Variants in GPR39 observed in about 807,000 individuals in gnomAD.
GPR39 encodes the protein zinc sensing receptor.
A neutral mutation model predicts 18.4 loss-of-function variants in GPR39; 23 were observed. That is an observed-to-expected ratio of 1.25 (90% CI 0.90 to 1.77). The LOEUF (loss-of-function observed/expected upper bound fraction) is 1.77. Among genes scored for constraint, GPR39 ranks in the 40% most tolerant of loss-of-function variants. The pLI is 0.00. For missense variants in GPR39, 647 were observed against 602.4 expected, an observed-to-expected ratio of 1.07 and a Z score of -0.78; for synonymous variants, 280 against 257.9, an observed-to-expected ratio of 1.09 and a Z score of -0.82.
At chr2:132,433,933 T>A (rs944000856) in intron 1 of GPR39, 1 of 151,694 alleles carries the variant, frequency 6.6e-6, no homozygotes, top group East Asian at 2.0e-4. Flanking sequence ...TAAAGCACAA[T>A]GAAGGTGAAG....
At chr2:132,477,076 A>G (rs1218879103) in intron 1 of GPR39, among the ~76,000 whole-genome samples, 1 of 152,182 alleles carries the variant, frequency 6.6e-6, no homozygotes, top group Non-Finnish European at 1.5e-5. Context: ...GATTCTCGAG[A>G]TGCTATCCCA....
At chr2:132,445,667 A>ACTG in intron 1 of GPR39, among the ~76,000 whole-genome samples, 1 of 99,284 alleles carries the variant, frequency 1.0e-5, no homozygotes, top group Non-Finnish European at 2.6e-5. Context: ...TCTATGACAA[A>ACTG]TTGTTTGCCA....
chr2:132,531,851 T>G (rs58695759), intron 1 of GPR39, among the ~76,000 whole-genome samples: 1,845 of 152,228 alleles, frequency 0.012, 39 homozygotes, highest in African/African-American at 0.041. Flanking sequence ...TTCAAAGCAG[T>G]GTGTAGAGGG....
rs553110731 is a variant in GPR39, at chr2:132,557,116, C to T, written c.857-87985C>T. Reference sequence around the variant, plus strand: ...GGCAGATCACTTGAGGTCAAGAGTTCGAGACCAGCCTGGCCAACATGGTGA... The same window carrying T: ...GGCAGATCACTTGAGGTCAAGAGTTTGAGACCAGCCTGGCCAACATGGTGA... On this transcript the variant is annotated intron_variant, in intron 1 of 1. Transcript: ENST00000329321. Among the ~76,000 whole-genome samples the T allele has an allele frequency of 7.8e-4, 118 of 152,062 alleles. 5 individuals are homozygous for T. The South Asian group carries it at 0.022, about 29-fold the overall frequency.
At position 132,493,516 on chromosome 2, in the gene GPR39, A is replaced by G. The variant is rs992150456; in HGVS notation, c.856+75618A>G. Among the ~76,000 whole-genome samples, 500 of 144,082 alleles carry G rather than the reference A, an allele frequency of 3.5e-3. 8 individuals carry two copies. Among genetic ancestry groups the G allele is most frequent in the African/African-American group, 0.012 (447 of 37,098 alleles). 94.5% of individuals were successfully genotyped at this position (144,082 alleles called of 152,430 possible). A position where few individuals can be genotyped will look rare whatever the true frequency, so the allele number is the denominator to read the frequency against. On this transcript the variant is annotated intron_variant, in intron 1 of 1. Coordinates refer to ENST00000329321, the MANE Select transcript of GPR39 (RefSeq NM_001508.3). ...ATATATATATACACCATATATATAT[A>G]TATATATATATACACACACCATATA...
At chr2:132,599,674 G>GTCC (rs1251416827) in intron 1 of GPR39, among the ~76,000 whole-genome samples, 2 of 152,156 alleles carry the variant, frequency 1.3e-5, no homozygotes, top group African/African-American at 2.4e-5. Flanking sequence ...ACTGTGCTCT[G>GTCC]CAGTGAAATT....
chr2:132,613,360 T>C lies in GPR39; in HGVS notation c.857-31741T>C, dbSNP rs1221584310. Among the ~76,000 whole-genome samples the C allele has an allele frequency of 2.0e-5, 3 of 152,184 alleles. No homozygotes were observed. The East Asian group carries it at 5.8e-4, about 29-fold the overall frequency. On this transcript the variant is annotated intron_variant, in intron 1 of 1. Transcript: ENST00000329321. Reference sequence around the variant, plus strand: ...TGATTTTTTATGTGCCTCTACATCCTCCCAGAAAACTGTCCCTTTCTCCAT... The same window carrying C: ...TGATTTTTTATGTGCCTCTACATCCCCCCAGAAAACTGTCCCTTTCTCCAT...
chr2:132,552,747 G>A (rs1680065059), intron 1 of GPR39, among the ~76,000 whole-genome samples: 1 of 151,102 alleles, frequency 6.6e-6, no homozygotes, highest in Non-Finnish European at 1.5e-5. Flanking sequence ...TGCTCCCTGT[G>A]CCTAGAGTTC....
chr2:132,540,523 T>C (rs139817327), intron 1 of GPR39, among the ~76,000 whole-genome samples: 2 of 152,290 alleles, frequency 1.3e-5, no homozygotes, highest in Non-Finnish European at 2.9e-5. Context: ...TGGGCCTCAG[T>C]ATTGCAGGTG....
rs144034124 is a variant in GPR39, at chr2:132,471,450, G to C, written c.856+53552G>C. On this transcript the variant is annotated intron_variant, in intron 1 of 1. Coordinates refer to ENST00000329321, the MANE Select transcript of GPR39 (RefSeq NM_001508.3). ...GTCGGTGCAACCTCTCTAGGAACCT[G>C]GTAGAGTCAAAGTATGTGGGGTTAG... Among the ~76,000 whole-genome samples, 358 of 152,178 alleles carry C rather than the reference G, an allele frequency of 2.4e-3. 3 individuals are homozygous for C. The highest frequency in any genetic ancestry group is 8.4e-3 in the African/African-American group (348 of 41,528).
chr2:132,599,874 G>A (rs1369732841), intron 1 of GPR39, among the ~76,000 whole-genome samples: 1 of 152,144 alleles, frequency 6.6e-6, no homozygotes, highest in African/African-American at 2.4e-5. Context: ...GATCTCCCCA[G>A]GAAAATGACA....
chr2:132,580,937 G>C (rs1280814585), intron 1 of GPR39, among the ~76,000 whole-genome samples: 1 of 145,048 alleles, frequency 6.9e-6, no homozygotes, highest in Non-Finnish European at 1.5e-5. Flanking sequence ...ACTCCATTCT[G>C]GCAACAGAGT....
At chr2:132,560,276 C>T (rs963367996) in intron 1 of GPR39, among the ~76,000 whole-genome samples, 1 of 152,144 alleles carries the variant, frequency 6.6e-6, no homozygotes, top group Non-Finnish European at 1.5e-5. Context: ...CACCCCTTCT[C>T]GATAGCTCCC....
rs543533626 is a variant in GPR39 at position 132,621,045 on chromosome 2, C to T, written c.857-24056C>T. Among the ~76,000 whole-genome samples the T allele has an allele frequency of 1.1e-4, 17 of 152,286 alleles. 2 individuals are homozygous for T. The South Asian group carries it at 3.3e-3, about 30-fold the overall frequency. ...GGGATTACAGGAGTGAGCCACTGCG[C>T]CTGGCCACCTTCACATTTTAAATAT... On this transcript the variant is annotated intron_variant, in intron 1 of 1. Coordinates refer to ENST00000329321, the MANE Select transcript of GPR39 (RefSeq NM_001508.3).
chr2:132,522,790 C>T (rs1007136446), intron 1 of GPR39, among the ~76,000 whole-genome samples: 10 of 152,230 alleles, frequency 6.6e-5, no homozygotes, highest in Non-Finnish European at 1.3e-4. Flanking sequence ...CTCTCTGACT[C>T]AGGAGCCTCC....
chr2:132,492,703 A>ATATATATACACACCATATATATAT lies in GPR39; in HGVS notation c.856+74828_856+74829insTTATATATACACACCATATATATA, dbSNP rs1216302691. On this transcript the variant is annotated intron_variant, in intron 1 of 1. Transcript: ENST00000329321. Reference sequence around the variant, plus strand: ...TATATATACACACCATATATATATAATATATATACACACCATATATATACC... The same window carrying ATATATATACACACCATATATATAT: ...TATATATACACACCATATATATATAATATATATACACACCATATATATATTATATATACACACCATATATATACC... Among the ~76,000 whole-genome samples the ATATATATACACACCATATATATAT allele has an allele frequency of 2.1e-5, 3 of 141,414 alleles. No individual in the cohort carries two copies. In the East Asian group the frequency reaches 6.5e-4, roughly 31 times the overall value. The allele number at this position is 141,414 out of a possible 152,430, so 92.8% of individuals were successfully genotyped here. A position where few individuals can be genotyped will look rare whatever the true frequency, so the allele number is the denominator to read the frequency against.
At chr2:132,538,485 A>G (rs1421911896) in intron 1 of GPR39, among the ~76,000 whole-genome samples, 1 of 152,204 alleles carries the variant, frequency 6.6e-6, no homozygotes. Context: ...GGTGTCTGTC[A>G]GCCCCTTTTG....
At chr2:132,447,549 A>G (rs577253420) in intron 1 of GPR39, among the ~76,000 whole-genome samples, 2 of 152,314 alleles carry the variant, frequency 1.3e-5, no homozygotes, top group East Asian at 1.9e-4. Context: ...AATTTGTATT[A>G]TAACTATTAT....
chr2:132,502,618 T>C (rs908475382), intron 1 of GPR39, among the ~76,000 whole-genome samples: 2 of 152,248 alleles, frequency 1.3e-5, no homozygotes, highest in Non-Finnish European at 2.9e-5. Context: ...TCTGGATCTC[T>C]AGCAAGGCTG....
Sources: gnomAD v4.1 joint callset for allele counts (sites outside exome capture counted in the v4.1 genomes callset) on GRCh38, gnomAD v4.1.1 for gene constraint, MANE v1.5 for transcripts, NCBI Gene and HGNC (gene_info 2026-07-23, HGNC 2026-07-21) for gene names.